The following TMCC1 variants were observed in gnomAD, a reference collection of about 807,000 sequenced individuals.
TMCC1 encodes transmembrane and coiled-coil domain family 1.
Under a neutral mutation model 52.4 loss-of-function variants are expected in TMCC1, and 15 were observed. The observed-to-expected ratio is 0.29, with a 90% CI of 0.19 to 0.44. The LOEUF is 0.44. Ranked by LOEUF, TMCC1 falls within the 20% of genes least tolerant of loss-of-function variation. The probability of loss-of-function intolerance (pLI) is 1.00; values close to 1 mark genes in which losing one functional copy is unlikely to be tolerated. For missense variants in TMCC1, 503 were observed against 806.0 expected (o/e 0.62, Z 4.55); for synonymous variants, 279 against 301.9 (o/e 0.92, Z 0.79).
At chr3:129,752,367 T>G (rs916634812) in intron 4 of TMCC1, among the ~76,000 whole-genome samples, 5 of 152,148 alleles carry the variant, frequency 3.3e-5, no homozygotes, top group African/African-American at 1.2e-4. Context: ...AACCAAAATC[T>G]AAATAGTCAT....
At chr3:129,657,810 AT>A (rs1220167622) in intron 5 of TMCC1, among the ~76,000 whole-genome samples, 1 of 152,220 alleles carries the variant, frequency 6.6e-6, no homozygotes, top group Non-Finnish European at 1.5e-5. Context: ...GCTGTTGGGA[AT>A]GGAAAATGGT....
At chr3:129,787,129 A>G (rs953283575) in intron 4 of TMCC1, among the ~76,000 whole-genome samples, 26 of 152,202 alleles carry the variant, frequency 1.7e-4, no homozygotes, top group African/African-American at 6.0e-4. Flanking sequence ...CATATGTTTT[A>G]TATCACAAAG....
chr3:129,731,577 CTAAATAAA>C (rs914384945), intron 4 of TMCC1, among the ~76,000 whole-genome samples: 1 of 151,912 alleles, frequency 6.6e-6, no homozygotes, highest in Non-Finnish European at 1.5e-5. Flanking sequence ...GACTCCGTCT[CTAAATAAA>C]TAAATAAATA....
In TMCC1 at chr3:129,691,877, C is replaced by G. The variant is rs571357383; in HGVS notation, c.577-20613G>C. Among the ~76,000 whole-genome samples, 7 of 152,240 alleles carry G rather than the reference C, an allele frequency of 4.6e-5. No individual in the cohort carries two copies. The East Asian group carries it at 1.3e-3, about 29-fold the overall frequency. On this transcript the variant is annotated intron_variant, in intron 4 of 6. Transcript: ENST00000393238. ...TTATAATGTCTCCTAAATTAAAGGA[C>G]CTCGGATCTCATTCGTTTTACAGAG...
At chr3:129,738,289 A>AAG (rs1553850963) in intron 4 of TMCC1, among the ~76,000 whole-genome samples, 33 of 151,260 alleles carry the variant, frequency 2.2e-4, no homozygotes, top group Middle Eastern at 3.4e-3. Context: ...AAAAAAAAAA[A>AAG]AGAGAAGAAG....
intron 4 of TMCC1, among the ~76,000 whole-genome samples, chr3:129,725,064 T>G (rs571019838): frequency 3.2e-4 from 49 of 152,196 alleles, no homozygotes; most frequent in Non-Finnish European, 6.2e-4. Context: ...TGATAAAGTT[T>G]TTGAGGATCT....
chr3:129,734,317 TAC>T (rs1326890771), intron 4 of TMCC1, among the ~76,000 whole-genome samples: 2 of 152,222 alleles, frequency 1.3e-5, no homozygotes, highest in Non-Finnish European at 2.9e-5. Context: ...ATTTTGCGTA[TAC>T]AGACTTGCAT....
At chr3:129,863,452 C>T (rs1442775589) in intron 2 of TMCC1, among the ~76,000 whole-genome samples, 3 of 152,144 alleles carry the variant, frequency 2.0e-5, no homozygotes, top group African/African-American at 4.8e-5. Context: ...ATCTAAACTT[C>T]ATGCCTCACA....
chr3:129,759,709 A>ATTTTTTTTTTTTTTTTTTTTTT (rs1560350161), intron 4 of TMCC1, among the ~76,000 whole-genome samples: 3 of 98,358 alleles, frequency 3.1e-5, no homozygotes, highest in African/African-American at 1.2e-4. Context: ...AGCCAGCCAA[A>ATTTTTTTTTTTTTTTTTTTTTT]CTTTTTTTTT....
chr3:129,843,974 C>A (rs939916429), intron 2 of TMCC1, among the ~76,000 whole-genome samples: 2 of 146,914 alleles, frequency 1.4e-5, no homozygotes, highest in African/African-American at 5.0e-5. Flanking sequence ...TATGCAAAAA[C>A]CTTTAACAAA....
At chr3:129,758,586 A>G (rs954916005) in intron 4 of TMCC1, among the ~76,000 whole-genome samples, 3 of 152,204 alleles carry the variant, frequency 2.0e-5, no homozygotes, top group Non-Finnish European at 4.4e-5. Flanking sequence ...AGTCTGGAGT[A>G]TCTTTATGTT....
chr3:129,738,263 T>A (rs1270513555), intron 4 of TMCC1, among the ~76,000 whole-genome samples: 37 of 86,136 alleles, frequency 4.3e-4, no homozygotes, highest in South Asian at 3.6e-3. Context: ...AGAGTGAGAC[T>A]CCGCCTAAAC....
chr3:129,872,184 C>T (rs1353875288), intron 2 of TMCC1, among the ~76,000 whole-genome samples: 1 of 152,136 alleles, frequency 6.6e-6, no homozygotes, highest in East Asian at 1.9e-4. Flanking sequence ...CCTCATTAAC[C>T]AGAATTCACA....
chr3:129,799,708 A>T (rs1473796438), intron 4 of TMCC1, among the ~76,000 whole-genome samples: 1 of 152,090 alleles, frequency 6.6e-6, no homozygotes, highest in Non-Finnish European at 1.5e-5. Flanking sequence ...GCTGCTCGGG[A>T]GGCTGAGGCA....
intron 4 of TMCC1, among the ~76,000 whole-genome samples, chr3:129,702,293 A>G (rs2047897343): frequency 6.6e-6 from 1 of 151,048 alleles, no homozygotes. Flanking sequence ...TTGCTGTAAC[A>G]TTTTCATAAT....
At chr3:129,810,988 A>C (rs527984253) in intron 4 of TMCC1, among the ~76,000 whole-genome samples, 1 of 152,236 alleles carries the variant, frequency 6.6e-6, no homozygotes, top group Non-Finnish European at 1.5e-5. Context: ...TCCTATGGTA[A>C]AATGGTTATT....
At position 129,648,777 on chromosome 3, in the gene TMCC1, C is replaced by A. The variant is rs1203006296; in HGVS notation, c.*2704G>T. On this transcript the variant is annotated 3_prime_UTR_variant, in exon 7 of 7. Coordinates refer to ENST00000393238, the MANE Select transcript of TMCC1 (RefSeq NM_001017395.5). ...ATTAGAGCGAGGTTATAGAAGAGCT[C>A]TGACAAGACAAAAGAACCCAAGAAC... is the stretch of plus-strand genomic sequence containing the variant. The A allele has an allele frequency of 6.6e-6, 1 of 151,666 alleles. No homozygotes were observed. Among genetic ancestry groups the A allele is most frequent in the Non-Finnish European group, 1.5e-5 (1 of 67,974 alleles). 9.4% of individuals were successfully genotyped at this position (151,666 alleles called of 1,614,324 possible). A position where few individuals can be genotyped will look rare whatever the true frequency, so the allele number is the denominator to read the frequency against.
chr3:129,732,693 A>C (rs1203251316), intron 4 of TMCC1, among the ~76,000 whole-genome samples: 1 of 152,042 alleles, frequency 6.6e-6, no homozygotes, highest in Non-Finnish European at 1.5e-5. Context: ...GAAAAAAAGC[A>C]ATTGAGACTC....
rs143325701 is a variant in TMCC1, at chr3:129,872,204, A to C, written c.-184+8105T>G. Among the ~76,000 whole-genome samples, 4 of 152,314 alleles carry C rather than the reference A, an allele frequency of 2.6e-5. No homozygotes were observed. In the East Asian group the frequency reaches 7.7e-4, roughly 29 times the overall value. ...TTAACCAGAATTCACATTTTGTTCA[A>C]GATAGTAATGACTGGTTTCAGGCAA... On this transcript the variant is annotated intron_variant, in intron 2 of 6. Transcript: ENST00000393238.
Sources: allele counts gnomAD v4.1 joint callset (sites outside exome capture counted in the v4.1 genomes callset), GRCh38; gene constraint gnomAD v4.1.1; transcripts MANE v1.5; gene names NCBI Gene and HGNC (gene_info 2026-07-23, HGNC 2026-07-21).